ADGRA2: variants seen among roughly 807,000 people sequenced by gnomAD.
The protein encoded by ADGRA2 is adhesion G protein-coupled receptor A2.
In ADGRA2, 61 loss-of-function variants were observed where a neutral mutation model predicts 98.7. The observed-to-expected ratio is 0.62, with a 90% confidence interval of 0.50 to 0.76. The LOEUF is 0.76. Ranked by LOEUF, ADGRA2 falls within the 30% of genes least tolerant of loss-of-function variation. ADGRA2 has a pLI of 0.00. For synonymous variants in ADGRA2, 858 were observed against 831.5 expected, an observed-to-expected ratio of 1.03 and a Z score of -0.55; for missense variants, 1,712 against 1,860.0, an observed-to-expected ratio of 0.92 and a Z score of 1.46.
At chr8:37,832,580 C>T (rs1206455426) in intron 8 of ADGRA2, among the ~76,000 whole-genome samples, 1 of 152,140 alleles carries the variant, frequency 6.6e-6, no homozygotes, top group Non-Finnish European at 1.5e-5. Context: ...AAGCACTGTG[C>T]CTGGCCACAA....
chr8:37,803,133 G>A (rs1043359732), intron 1 of ADGRA2, among the ~76,000 whole-genome samples: 13 of 152,198 alleles, frequency 8.5e-5, no homozygotes, highest in African/African-American at 1.2e-4. Context: ...CCTTCAATGC[G>A]GGTCATGTTT....
chr8:37,800,181 A>G (rs1297666063), intron 1 of ADGRA2, among the ~76,000 whole-genome samples: 1 of 152,230 alleles, frequency 6.6e-6, no homozygotes, highest in Non-Finnish European at 1.5e-5. Context: ...AGAGAAAAGC[A>G]TAACTCACGT....
At position 37,797,865 on chromosome 8, in the gene ADGRA2, T is replaced by C. The variant is rs1006545276; in HGVS notation, c.266+331T>C. Among the ~76,000 whole-genome samples the C allele has an allele frequency of 4.6e-5, 7 of 152,156 alleles. No individual in the cohort carries two copies. Among genetic ancestry groups the C allele is most frequent in the Non-Finnish European group, 7.4e-5 (5 of 68,004 alleles). On this transcript the variant is annotated intron_variant, in intron 1 of 18. Coordinates refer to ENST00000412232, the MANE Select transcript of ADGRA2 (RefSeq NM_032777.10). This position sits in a 1 kb window ranked among gnomAD's most constrained non-coding sequence, Gnocchi z 5.3. Reference sequence around the variant, plus strand: ...CCAGCCTGGACTAGGGTTGCGGACTTTGGGGACCTGAGAAGGGTGAGAGCG... The same window carrying C: ...CCAGCCTGGACTAGGGTTGCGGACTCTGGGGACCTGAGAAGGGTGAGAGCG...
chr8:37,829,092 G>A, intron 3 of ADGRA2, 133 bp downstream of exon 3: 1 of 780,272 alleles, frequency 1.3e-6, no homozygotes, highest in East Asian at 2.7e-5. Flanking sequence ...TGCCTTGGCT[G>A]GGGTCAAAGG....
Position 37,828,596 on chromosome 8 carries a change from C to T in ADGRA2, c.339-292C>T, listed in dbSNP as rs980203882. Among the ~76,000 whole-genome samples the T allele has an allele frequency of 3.4e-5, 5 of 148,870 alleles. No homozygotes were observed. The East Asian group carries it at 8.0e-4, about 24-fold the overall frequency. ...CCGCCTCCCGGGTTCAAGCAATTCTCCTGCCTAGCTGGGGCTACAGGTGCA... is the reference window on the plus strand; with the variant it reads ...CCGCCTCCCGGGTTCAAGCAATTCTTCTGCCTAGCTGGGGCTACAGGTGCA... On this transcript the variant is annotated intron_variant, in intron 2 of 18. Transcript: ENST00000412232.
In ADGRA2 at chr8:37,829,806, A is replaced by C. The variant is rs753293415; in HGVS notation, c.555-45A>C. Reference sequence around the variant, plus strand: ...GGGGCCCCAGGCCACCCATGAGCCCACACTCCCTCTGCTCTGCTCCGTGAC... The same window carrying C: ...GGGGCCCCAGGCCACCCATGAGCCCCCACTCCCTCTGCTCTGCTCCGTGAC... On this transcript the variant is annotated intron_variant, in intron 5 of 18. Coordinates refer to ENST00000412232, the MANE Select transcript of ADGRA2 (RefSeq NM_032777.10). The C allele has an allele frequency of 3.8e-6, 6 of 1,575,730 alleles. No homozygotes were observed. In the East Asian group the frequency reaches 1.3e-4, roughly 35 times the overall value.
intron 1 of ADGRA2, among the ~76,000 whole-genome samples, chr8:37,813,441 T>C (rs942059312): frequency 8.5e-5 from 13 of 152,328 alleles, no homozygotes; most frequent in South Asian, 2.1e-4. Context: ...CGTGAGTTCA[T>C]AGAAGATCTA....
At chr8:37,839,387 A>C (rs1367151553) in intron 15 of ADGRA2, 112 bp from the exon 16 acceptor site, 9 of 1,515,842 alleles carry the variant, frequency 5.9e-6, no homozygotes, top group Non-Finnish European at 7.1e-6. Flanking sequence ...ATTCCCAACC[A>C]TTCACACACG....
Position 37,833,846 on chromosome 8 carries a change from C to T in ADGRA2, c.1446+9C>T. ...TCGACCAGATCAAAGAGGTGAGACT[C>T]AGCTGGAACTCAGGAGCTCGGAAAA... On this transcript the variant is annotated intron_variant, in intron 10 of 18. Coordinates refer to ENST00000412232, the MANE Select transcript of ADGRA2 (RefSeq NM_032777.10). 1.2e-6 allele frequency: 2 copies of T among 1,613,628 alleles called. No homozygotes were observed. The highest frequency in any genetic ancestry group is 2.2e-5 in the South Asian group (2 of 91,078).
At chr8:37,829,364 GGA>G (rs1469196849) in intron 4 of ADGRA2, 32 bp downstream of exon 4, 2 of 1,592,406 alleles carry the variant, frequency 1.3e-6, no homozygotes, top group Non-Finnish European at 1.7e-6. Context: ...GGGGAGGGGA[GGA>G]GAGGGAAGAA....
chr8:37,813,681 T>G (rs768389134), intron 1 of ADGRA2, among the ~76,000 whole-genome samples: 3 of 152,060 alleles, frequency 2.0e-5, no homozygotes, highest in Non-Finnish European at 2.9e-5. Context: ...TCTCCACCCC[T>G]CCCTCCTCCA....
Position 37,833,837 on chromosome 8 carries a change from G to A in ADGRA2, c.1446G>A (p.Glu482=). Residue 482 remains glutamate (E), a splice_region_variant and synonymous_variant, in exon 10 of 19, where the codon GAG becomes GAA. Coordinates refer to ENST00000412232, the MANE Select transcript of ADGRA2 (RefSeq NM_032777.10). ...KFLGYVDQIK[E]LVEVMVDMAS... ...TGGGTTATGTCGACCAGATCAAAGA[G>A]GTGAGACTCAGCTGGAACTCAGGAG... 2 of 1,613,978 alleles carry A rather than the reference G, an allele frequency of 1.2e-6. No individual in the cohort carries two copies. The highest frequency in any genetic ancestry group is 1.7e-6 in the Non-Finnish European group (2 of 1,179,836).
chr8:37,808,947 C>A (rs1312996099), intron 1 of ADGRA2, among the ~76,000 whole-genome samples: 1 of 152,110 alleles, frequency 6.6e-6, no homozygotes, highest in Non-Finnish European at 1.5e-5. Context: ...GCCTCAGCCT[C>A]CAGAGTAGCT....
chr8:37,828,366 T>C (rs917332551), intron 2 of ADGRA2, among the ~76,000 whole-genome samples: 3 of 152,136 alleles, frequency 2.0e-5, no homozygotes, highest in Non-Finnish European at 4.4e-5. Flanking sequence ...CTCTCCATGT[T>C]GTCTGAGGCC....
chr8:37,844,666 T>G lies in ADGRA2; in HGVS notation c.*2311T>G. 1 of 1,614,092 alleles carries G rather than the reference T, an allele frequency of 6.2e-7. No individual in the cohort carries two copies. The highest frequency in any genetic ancestry group is 2.2e-5 in the East Asian group (1 of 44,876). ...CAGATCCGCTTCGGGGACTTCAACA[T>G]GCAGGGTGGCAAGAGAAGGGCAGGA... On this transcript the variant is annotated 3_prime_UTR_variant, in exon 19 of 19. Transcript: ENST00000412232.
intron 1 of ADGRA2, among the ~76,000 whole-genome samples, chr8:37,801,524 G>T (rs749285563): frequency 8.5e-5 from 13 of 152,236 alleles, no homozygotes; most frequent in Non-Finnish European, 1.6e-4. Context: ...GAGTGAGGGG[G>T]AAGGGGGCTG....
intron 8 of ADGRA2, among the ~76,000 whole-genome samples, chr8:37,832,551 G>T (rs1805488336): frequency 6.6e-6 from 1 of 152,136 alleles, no homozygotes; most frequent in Non-Finnish European, 1.5e-5. Context: ...GCCCAGGCTG[G>T]TCTCAAACCC....
At chr8:37,829,361 G>A (rs1554525220) in intron 4 of ADGRA2, 29 bp downstream of exon 4, 6 of 1,592,188 alleles carry the variant, frequency 3.8e-6, no homozygotes, top group South Asian at 1.1e-5. Flanking sequence ...AGTGGGGAGG[G>A]GAGGAGAGGG....
Position 37,834,431 on chromosome 8 carries a change from G to T in ADGRA2, c.1608+303G>T, listed in dbSNP as rs1204775199. On this transcript the variant is annotated intron_variant, in intron 11 of 18. Coordinates refer to ENST00000412232, the MANE Select transcript of ADGRA2 (RefSeq NM_032777.10). This position sits in a 1 kb window ranked among gnomAD's most constrained non-coding sequence, Gnocchi z 4.2. Reference sequence around the variant, plus strand: ...GGAAGGCTTGGTGGCAGGGCAGACAGCACTCGGGATTGAGTGAAGAGTAAT... The same window carrying T: ...GGAAGGCTTGGTGGCAGGGCAGACATCACTCGGGATTGAGTGAAGAGTAAT... Among the ~76,000 whole-genome samples, 1 of 152,228 alleles carries T rather than the reference G, an allele frequency of 6.6e-6. No homozygotes were observed. The highest frequency in any genetic ancestry group is 2.4e-5 in the African/African-American group (1 of 41,474).
Sources: gnomAD v4.1 joint callset for allele counts (sites outside exome capture counted in the v4.1 genomes callset) on GRCh38, gnomAD v4.1.1 for gene constraint, Gnocchi (gnomAD v3.1) non-coding constraint, MANE v1.5 for transcripts, NCBI Gene and HGNC (gene_info 2026-07-23, HGNC 2026-07-21) for gene names.